TBCA: variants seen among roughly 807,000 people sequenced by gnomAD.
TBCA encodes the protein tubulin-specific chaperone A.
A neutral mutation model predicts 15.8 loss-of-function variants in TBCA; 6 were observed. The observed-to-expected ratio is 0.38, with a 90% CI of 0.21 to 0.75. The LOEUF is 0.75. Ranked by LOEUF, TBCA falls within the 30% of genes least tolerant of loss-of-function variation. The probability of loss-of-function intolerance (pLI) is 0.46; values close to 1 mark genes in which losing one functional copy is unlikely to be tolerated. For missense variants in TBCA, 90 were observed against 131.2 expected, an observed-to-expected ratio of 0.69 and a Z score of 1.53; for synonymous variants, 32 against 42.3, an observed-to-expected ratio of 0.76 and a Z score of 0.94.
At chr5:77,759,979 CA>C (rs1474501494) in intron 1 of TBCA, among the ~76,000 whole-genome samples, 1 of 152,170 alleles carries the variant, frequency 6.6e-6, no homozygotes, top group African/African-American at 2.4e-5. Flanking sequence ...AGAACAGAAG[CA>C]ATGTCAGAGT....
intron 1 of TBCA, among the ~76,000 whole-genome samples, chr5:77,737,337 G>T (rs1746932660): frequency 6.6e-6 from 1 of 152,160 alleles, no homozygotes; most frequent in Non-Finnish European, 1.5e-5. Context: ...TCTAGTGATT[G>T]TTTTCCAGCT....
chr5:77,720,250 A>C (rs1288663893), intron 1 of TBCA, among the ~76,000 whole-genome samples: 1 of 152,170 alleles, frequency 6.6e-6, no homozygotes, highest in Admixed American at 6.5e-5. Flanking sequence ...AAGGAAACAC[A>C]GATGGATAGG....
chr5:77,773,338 G>GT (rs10589730), intron 1 of TBCA, among the ~76,000 whole-genome samples: 62 of 151,406 alleles, frequency 4.1e-4, no homozygotes, highest in African/African-American at 1.2e-3. Flanking sequence ...CTTTAGACAA[G>GT]TTTTTTTTTT....
intron 1 of TBCA, among the ~76,000 whole-genome samples, chr5:77,738,064 G>A (rs934617001): frequency 6.6e-6 from 1 of 152,166 alleles, no homozygotes; most frequent in African/African-American, 2.4e-5. Context: ...CCTCTTGGAT[G>A]AGCAGAGGCA....
intron 2 of TBCA, among the ~76,000 whole-genome samples, chr5:77,702,663 TGTGC>T (rs1746047240): frequency 6.6e-6 from 1 of 152,184 alleles, no homozygotes; most frequent in Admixed American, 6.5e-5. Flanking sequence ...AGCTCTGTGG[TGTGC>T]TAAGGCAAAC....
intron 2 of TBCA, among the ~76,000 whole-genome samples, chr5:77,697,629 T>C (rs571665189): frequency 6.6e-6 from 1 of 152,178 alleles, no homozygotes; most frequent in Non-Finnish European, 1.5e-5. Context: ...GTTGGGAAAT[T>C]TACAGCACTA....
chr5:77,745,530 C>T (rs535750328), intron 1 of TBCA, among the ~76,000 whole-genome samples: 1 of 152,222 alleles, frequency 6.6e-6, no homozygotes, highest in Admixed American at 6.5e-5. Flanking sequence ...TGAGTTTAAA[C>T]CTGAATATCT....
chr5:77,771,632 G>A (rs1321462590), intron 1 of TBCA, among the ~76,000 whole-genome samples: 1 of 152,132 alleles, frequency 6.6e-6, no homozygotes, highest in African/African-American at 2.4e-5. Context: ...CTGCCATTTT[G>A]CCAACATGCT....
At chr5:77,713,271 G>A (rs1026793190) in intron 1 of TBCA, among the ~76,000 whole-genome samples, 1 of 152,026 alleles carries the variant, frequency 6.6e-6, no homozygotes, top group Non-Finnish European at 1.5e-5. Flanking sequence ...ATTCCAGCCT[G>A]AATAACAGAG....
intron 1 of TBCA, among the ~76,000 whole-genome samples, chr5:77,768,962 AC>A (rs1747843767): frequency 6.6e-6 from 1 of 152,360 alleles, no homozygotes; most frequent in East Asian, 1.9e-4. Flanking sequence ...AAAAAACAAA[AC>A]ACCCATACAC....
intron 1 of TBCA, among the ~76,000 whole-genome samples, chr5:77,751,321 C>T (rs888529383): frequency 2.6e-5 from 4 of 152,004 alleles, no homozygotes; most frequent in South Asian, 2.1e-4. Flanking sequence ...ACCACCACGC[C>T]CAGCTAATTT....
At chr5:77,692,484 C>G in intron 3 of TBCA, 1 of 932,504 alleles carries the variant, frequency 1.1e-6, no homozygotes, top group Non-Finnish European at 1.3e-6. Flanking sequence ...GACAGGATTT[C>G]ACCATGTTGG....
intron 1 of TBCA, among the ~76,000 whole-genome samples, chr5:77,733,970 G>A (rs971645016): frequency 2.0e-5 from 3 of 152,126 alleles, no homozygotes; most frequent in African/African-American, 7.2e-5. Context: ...AAAAATTCTA[G>A]GGCCCATAAG....
intron 1 of TBCA, among the ~76,000 whole-genome samples, chr5:77,774,425 T>A (rs1407514602): frequency 6.6e-6 from 1 of 152,200 alleles, no homozygotes; most frequent in Non-Finnish European, 1.5e-5. Context: ...CTATTCTCTC[T>A]GAAGCCTGCT....
intron 1 of TBCA, among the ~76,000 whole-genome samples, chr5:77,725,078 T>G (rs953182865): frequency 1.3e-5 from 2 of 152,182 alleles, no homozygotes; most frequent in Non-Finnish European, 2.9e-5. Context: ...AGACGGCTTT[T>G]TTATTTGTAG....
At chr5:77,724,378 T>C (rs1746586299) in intron 1 of TBCA, among the ~76,000 whole-genome samples, 1 of 152,122 alleles carries the variant, frequency 6.6e-6, no homozygotes, top group African/African-American at 2.4e-5. Flanking sequence ...ACTAAAATTA[T>C]TCACATTACA....
At chr5:77,705,553 AG>A (rs1362899718) in intron 2 of TBCA, 1 of 398,578 alleles carries the variant, frequency 2.5e-6, no homozygotes, top group Non-Finnish European at 4.4e-6. Context: ...AAGGCCAGGT[AG>A]GGGGGACTCA....
Position 77,752,580 on chromosome 5 carries a change from C to T in TBCA, c.53+23625G>A, listed in dbSNP as rs574250106. On this transcript the variant is annotated intron_variant, in intron 1 of 3. Transcript: ENST00000380377. The stretch of plus-strand genomic sequence containing the variant: ...TGTTTTTCTTTTTTTGAGACGGAGT[C>T]TCGCTCTGTCGCCCAGGCCGGACTG... 3.1e-3 allele frequency among the ~76,000 whole-genome samples: 146 copies of T among 47,568 alleles called. 1 individual carries two copies. The Middle Eastern group carries it at 0.036, about 12-fold the overall frequency. The allele number at this position is 47,568 out of a possible 152,430, so 31.2% of individuals were successfully genotyped here. A position where few individuals can be genotyped will look rare whatever the true frequency, so the allele number is the denominator to read the frequency against.
intron 1 of TBCA, among the ~76,000 whole-genome samples, chr5:77,714,622 A>G (rs1013268444): frequency 6.6e-6 from 1 of 151,030 alleles, no homozygotes; most frequent in Non-Finnish European, 1.5e-5. Flanking sequence ...GCTGGAGTGC[A>G]GTGGCGCAAT....
Sources: gnomAD v4.1 joint callset for allele counts (sites outside exome capture counted in the v4.1 genomes callset) on GRCh38, gnomAD v4.1.1 for gene constraint, MANE v1.5 for transcripts, NCBI Gene and HGNC (gene_info 2026-07-23, HGNC 2026-07-21) for gene names.